The following NRG4 variants were observed in gnomAD, a reference collection of about 807,000 sequenced individuals.
The protein encoded by NRG4 is pro-neuregulin-4, membrane-bound isoform.
Under a neutral mutation model 15.0 loss-of-function variants are expected in NRG4, and 10 were observed. That is an observed-to-expected ratio of 0.67 (90% CI 0.41 to 1.13). NRG4 has a LOEUF of 1.13. Among genes scored for constraint, NRG4 ranks in the 50% most tolerant of loss-of-function variants. The pLI, the probability that NRG4 is intolerant of heterozygous loss-of-function variation, is 0.00. For synonymous variants in NRG4, 41 were observed against 50.1 expected (o/e 0.82, Z 0.77); for missense variants, 139 against 140.2 (o/e 0.99, Z 0.04).
chr15:75,948,837 C>T (rs1216317927), intron 5 of NRG4, among the ~76,000 whole-genome samples: 1 of 152,092 alleles, frequency 6.6e-6, no homozygotes, highest in Non-Finnish European at 1.5e-5. Flanking sequence ...CGGCTTGAAA[C>T]CAGGAGTTTG....
intron 5 of NRG4, among the ~76,000 whole-genome samples, chr15:75,953,099 C>T (rs1403805092): frequency 6.6e-6 from 1 of 152,060 alleles, no homozygotes; most frequent in Admixed American, 6.5e-5. Context: ...TTGCCTAATC[C>T]AAGGTCATGA....
At chr15:76,026,626 A>G (rs2035322219) in intron 5 of NRG4, among the ~76,000 whole-genome samples, 1 of 152,228 alleles carries the variant, frequency 6.6e-6, no homozygotes, top group Non-Finnish European at 1.5e-5. Flanking sequence ...ACTGATATAC[A>G]AAGGAGAAAG....
chr15:75,972,626 A>T (rs536289802), intron 3 of NRG4, among the ~76,000 whole-genome samples: 34 of 152,304 alleles, frequency 2.2e-4, no homozygotes, highest in African/African-American at 7.9e-4. Context: ...TGAAGTGGAG[A>T]ATCCTTTCCC....
In NRG4 at chr15:75,954,387, CTG is replaced by C. The variant is rs558351404; in HGVS notation, c.331+1543_331+1544del. The stretch of plus-strand genomic sequence containing the variant: ...AATCTATGTAATACATTTATAATAA[CTG>C]TGCTTGCCTGGTATTTAAAGCATCT... On this transcript the variant is annotated intron_variant, in intron 5 of 5. Transcript: ENST00000394907. 2.1e-3 allele frequency among the ~76,000 whole-genome samples: 317 copies of C among 150,742 alleles called. 2 individuals carry two copies. Among genetic ancestry groups the C allele is most frequent in the African/African-American group, 7.4e-3 (305 of 40,974 alleles).
At chr15:75,951,660 C>A (rs758360700) in intron 5 of NRG4, among the ~76,000 whole-genome samples, 216 of 152,282 alleles carry the variant, frequency 1.4e-3, no homozygotes, top group Non-Finnish European at 2.6e-3. Context: ...ATTACAGTTT[C>A]CCTTCAAGTG....
At chr15:75,987,557 C>G (rs1295474986) in intron 3 of NRG4, among the ~76,000 whole-genome samples, 1 of 152,146 alleles carries the variant, frequency 6.6e-6, no homozygotes, top group East Asian at 1.9e-4. Flanking sequence ...TACTTCCGCT[C>G]TCCCTCTCTC....
Position 76,044,368 on chromosome 15 carries a change from T to C in NRG4, c.-105+7699A>G, listed in dbSNP as rs577472768. ...GGGAAAGGACAGTCTCTTCAATAAA[T>C]GGTGCTGGGAAAACTGGATATCCAT... On this transcript the variant is annotated intron_variant, in intron 4 of 8. Transcript: ENST00000563910. Among the ~76,000 whole-genome samples the C allele has an allele frequency of 2.7e-3, 400 of 150,768 alleles. 27 individuals carry two copies. The highest frequency in any genetic ancestry group is 9.4e-3 in the African/African-American group (382 of 40,432).
Position 75,943,493 on chromosome 15 carries a change from G to C in NRG4, c.*145C>G. On this transcript the variant is annotated 3_prime_UTR_variant, in exon 6 of 6. Transcript: ENST00000394907. ...ACAGAAGCACACACACCTTGCAGCA[G>C]AATGGATTATGGTTCATGATACGAG... 1.6e-6 allele frequency: 1 copy of C among 619,728 alleles called. No individual in the cohort carries two copies. The highest frequency in any genetic ancestry group is 2.9e-6 in the Non-Finnish European group (1 of 349,644). 38.4% of individuals were successfully genotyped at this position (619,728 alleles called of 1,614,324 possible).
intron 1 of NRG4, among the ~76,000 whole-genome samples, chr15:76,057,618 C>T (rs2036183631): frequency 6.6e-6 from 1 of 152,024 alleles, no homozygotes; most frequent in Non-Finnish European, 1.5e-5. Context: ...TGAAGTAAGA[C>T]ATCACCAGGG....
intron 3 of NRG4, among the ~76,000 whole-genome samples, chr15:75,998,046 C>A (rs2034277512): frequency 6.6e-6 from 1 of 152,174 alleles, no homozygotes; most frequent in African/African-American, 2.4e-5. Flanking sequence ...GATCACTCTG[C>A]TTTATCAAAT....
At chr15:75,937,508 C>CA (rs58256641), downstream of NRG4, 29,969 of 80,908 alleles carry the variant, frequency 0.37, 6,702 homozygotes, top group South Asian at 0.49. Context: ...GACTCTGTCT[C>CA]AAAAAAAAAA....
chr15:76,021,943 C>A (rs1179579092), intron 5 of NRG4, among the ~76,000 whole-genome samples: 1 of 152,206 alleles, frequency 6.6e-6, no homozygotes, highest in African/African-American at 2.4e-5. Context: ...AATTATTCTA[C>A]CTCAGGTCAT....
chr15:76,053,627 G>A (rs1322139661), intron 2 of NRG4, among the ~76,000 whole-genome samples: 1 of 150,648 alleles, frequency 6.6e-6, no homozygotes, highest in Non-Finnish European at 1.5e-5. Context: ...CACAATCTTG[G>A]CTCACTGCAA....
chr15:76,019,925 G>A (rs1322100894), intron 5 of NRG4, among the ~76,000 whole-genome samples: 1 of 152,136 alleles, frequency 6.6e-6, no homozygotes, highest in African/African-American at 2.4e-5. Context: ...TTTTACTAAA[G>A]GCTTGTGGCA....
chr15:76,047,996 A>T (rs2035913299), intron 4 of NRG4, among the ~76,000 whole-genome samples: 1 of 149,918 alleles, frequency 6.7e-6, no homozygotes, highest in Non-Finnish European at 1.5e-5. Flanking sequence ...TGTCCAAAAA[A>T]AATGTTTTTT....
At chr15:75,960,819 G>A (rs1465755086) in intron 4 of NRG4, among the ~76,000 whole-genome samples, 1 of 151,898 alleles carries the variant, frequency 6.6e-6, no homozygotes, top group African/African-American at 2.4e-5. Context: ...TGATACAATG[G>A]GCTTGTATTT....
intron 4 of NRG4, among the ~76,000 whole-genome samples, chr15:75,957,163 C>T (rs2032281659): frequency 6.6e-6 from 1 of 152,174 alleles, no homozygotes; most frequent in African/African-American, 2.4e-5. Context: ...TAGGACAATA[C>T]TATGTTATAA....
intron 4 of NRG4, among the ~76,000 whole-genome samples, chr15:75,958,466 A>C (rs1283570744): frequency 6.6e-6 from 1 of 152,176 alleles, no homozygotes; most frequent in East Asian, 1.9e-4. Context: ...TACGTTTGGT[A>C]ATCTTTTCAT....
intron 2 of NRG4, among the ~76,000 whole-genome samples, chr15:76,054,598 A>G (rs2036108132): frequency 6.6e-6 from 1 of 152,198 alleles, no homozygotes. Flanking sequence ...TATTTTCAGT[A>G]GAGACAGAGT....
Sources: gnomAD v4.1 joint callset for allele counts (sites outside exome capture counted in the v4.1 genomes callset) on GRCh38, gnomAD v4.1.1 for gene constraint, MANE v1.5 for transcripts, NCBI Gene and HGNC (gene_info 2026-07-23, HGNC 2026-07-21) for gene names.